The following MAGED1 variants were observed in gnomAD, a reference collection of about 807,000 sequenced individuals.
MAGED1 encodes MAGE family member D1.
A neutral mutation model predicts 54.1 loss-of-function variants in MAGED1; 3 were observed. That is an observed-to-expected ratio of 0.06 (90% confidence interval 0.03 to 0.14). The LOEUF (loss-of-function observed/expected upper bound fraction) is 0.14, where lower values mean the gene tolerates loss of function less well. MAGED1 is among the 10% of genes least tolerant of loss of function. MAGED1 has a pLI of 1.00. For missense variants in MAGED1, 485 were observed against 623.4 expected (o/e 0.78, Z 2.36); for synonymous variants, 217 against 227.3 (o/e 0.95, Z 0.41).
rs1928791623 is a variant in MAGED1 at position 51,897,064 on chromosome X, T to C, written c.1409T>C (p.Leu470Pro). The change falls in exon 4 of 13, where the codon CTT becomes CCT. Residue 470 changes from leucine to proline, a missense_variant. Around this residue, in one of 2 missense-constraint regions of MAGED1, gnomAD observed 186 missense variants for 330.3 expected, o/e 0.56. Coordinates refer to ENST00000326587, the MANE Select transcript of MAGED1 (RefSeq NM_006986.4). ...PGAAQPRDVA[L>P]LQERANKLVK... ...GCTGCACAGCCCCGAGATGTGGCCC[T>C]TCTTCAGGAAAGAGTAAGAGCTGTA... 1 of 1,209,600 alleles carries C rather than the reference T, an allele frequency of 8.3e-7. No individual in the cohort carries two copies. Among genetic ancestry groups the C allele is most frequent in the Non-Finnish European group, 1.1e-6 (1 of 894,736 alleles).
chrX:51,816,224 C>T (rs1160289924), intron 1 of MAGED1, among the ~76,000 whole-genome samples: 1 of 110,121 alleles, frequency 9.1e-6, no homozygotes, highest in Non-Finnish European at 1.9e-5. Context: ...AGTGATTTCT[C>T]CTGCCTCGCC....
chrX:51,886,970 C>T (rs940645708), intron 1 of MAGED1, among the ~76,000 whole-genome samples: 2 of 109,363 alleles, frequency 1.8e-5, no homozygotes, highest in Non-Finnish European at 3.8e-5. Flanking sequence ...GTGGGAGGAT[C>T]GCTTGAGCCC....
intron 1 of MAGED1, chrX:51,870,781 T>G (rs375309509): frequency 8.9e-6 from 1 of 112,662 alleles, no homozygotes; most frequent in South Asian, 3.7e-4. Context: ...CGGTTCCAAT[T>G]TTAGTGTTTG....
chrX:51,894,272 C>T lies in MAGED1; in HGVS notation c.-33C>T. The T allele has an allele frequency of 1.7e-6, 2 of 1,173,145 alleles. No homozygotes were observed. Among genetic ancestry groups the T allele is most frequent in the Non-Finnish European group, 2.3e-6 (2 of 869,651 alleles). On this transcript the variant is annotated 5_prime_UTR_variant, in exon 2 of 13. Coordinates refer to ENST00000326587, the MANE Select transcript of MAGED1 (RefSeq NM_006986.4). ...ACGCCCTGCCCCTCTCCCACAGCCCCCAGGCTCCGCTCTTGCCAGAGGGAC... is the reference window on the plus strand; with the variant it reads ...ACGCCCTGCCCCTCTCCCACAGCCCTCAGGCTCCGCTCTTGCCAGAGGGAC...
At chrX:51,833,401 TAGTA>T (rs1197352027) in intron 1 of MAGED1, among the ~76,000 whole-genome samples, 2 of 111,464 alleles carry the variant, frequency 1.8e-5, no homozygotes, top group African/African-American at 6.5e-5. Context: ...TAAAAAATCT[TAGTA>T]AGTGTGCTGT....
intron 1 of MAGED1, among the ~76,000 whole-genome samples, chrX:51,859,845 A>C (rs1557360485): frequency 9.0e-6 from 1 of 111,462 alleles, no homozygotes; most frequent in Non-Finnish European, 1.9e-5. Context: ...AGGAGCCATG[A>C]ACAAAGAACT....
chrX:51,833,254 GT>G (rs1194587563), intron 1 of MAGED1, among the ~76,000 whole-genome samples: 106 of 103,497 alleles, frequency 1.0e-3, no homozygotes, highest in African/African-American at 3.2e-3. Context: ...ACTTTATTTA[GT>G]TTTTTTTTTT....
chrX:51,825,286 G>A (rs1925814992), intron 1 of MAGED1, among the ~76,000 whole-genome samples: 1 of 111,008 alleles, frequency 9.0e-6, no homozygotes, highest in South Asian at 3.9e-4. Flanking sequence ...CAGCACAGTG[G>A]GGAGTCTCTG....
chrX:51,813,691 C>T (rs1243304442), intron 1 of MAGED1, among the ~76,000 whole-genome samples: 1 of 111,642 alleles, frequency 9.0e-6, no homozygotes, highest in Non-Finnish European at 1.9e-5. Context: ...TGCAGGATGG[C>T]AAGAACAATT....
At chrX:51,809,418 C>T (rs1925144087) in intron 1 of MAGED1, among the ~76,000 whole-genome samples, 1 of 111,493 alleles carries the variant, frequency 9.0e-6, no homozygotes, top group South Asian at 3.8e-4. Context: ...GCGCCCGGCC[C>T]CTTAGTCTCC....
chrX:51,828,270 CTT>C (rs1254181022), intron 1 of MAGED1, among the ~76,000 whole-genome samples: 49 of 111,690 alleles, frequency 4.4e-4, no homozygotes, highest in African/African-American at 1.4e-3. Context: ...CCGTTTCTCC[CTT>C]GCTTTCTTTT....
intron 1 of MAGED1, among the ~76,000 whole-genome samples, chrX:51,865,731 G>T (rs894062604): frequency 9.0e-6 from 1 of 111,590 alleles, no homozygotes; most frequent in Non-Finnish European, 1.9e-5. Context: ...ATTGGAATTT[G>T]ATACAGTTTG....
chrX:51,896,473 G>A lies in MAGED1; in HGVS notation c.818G>A (p.Gly273Glu). 8.3e-7 allele frequency: 1 copy of A among 1,211,211 alleles called. No homozygotes were observed. The highest frequency in any genetic ancestry group is 1.1e-6 in the Non-Finnish European group (1 of 895,009). The change falls in exon 4 of 13, where the codon GGG becomes GAG. Residue 273 changes from glycine (G) to glutamate (E), a missense_variant. Gly to Glu is a moderately conservative substitution (Grantham distance 98). This residue lies in a region of MAGED1 where 299 missense variants were observed against 293.1 expected (regional missense o/e 1.02). Coordinates refer to ENST00000326587, the MANE Select transcript of MAGED1 (RefSeq NM_006986.4). ...CAGAGGCGGGCCCCACTGGCTGCAG[G>A]GACCTGGAGGTCTGCACCAGTTCCA... ...GDQRRAPLAA[G>E]TWRSAPVPVT...
intron 1 of MAGED1, among the ~76,000 whole-genome samples, chrX:51,888,432 T>C (rs1355080728): frequency 2.7e-5 from 3 of 112,091 alleles, no homozygotes; most frequent in Non-Finnish European, 3.8e-5. Context: ...AGTAAGATAT[T>C]ACTACACACC....
At chrX:51,806,372 C>A (rs782082306) in intron 1 of MAGED1, among the ~76,000 whole-genome samples, 1 of 111,841 alleles carries the variant, frequency 8.9e-6, no homozygotes, top group African/African-American at 3.3e-5. Context: ...GTTACTATTC[C>A]AAATTAATCA....
intron 1 of MAGED1, among the ~76,000 whole-genome samples, chrX:51,845,594 A>G (rs782701456): frequency 9.0e-6 from 1 of 111,409 alleles, no homozygotes; most frequent in Non-Finnish European, 1.9e-5. Flanking sequence ...ATTTTTCCCC[A>G]GGATCCTTTA....
intron 1 of MAGED1, among the ~76,000 whole-genome samples, chrX:51,844,244 G>C: frequency 8.9e-6 from 1 of 111,882 alleles, no homozygotes; most frequent in Non-Finnish European, 1.9e-5. Context: ...CAGAACTGAA[G>C]AAAAGAAGAT....
intron 1 of MAGED1, among the ~76,000 whole-genome samples, chrX:51,843,757 A>G (rs148551522): frequency 0.053 from 5,905 of 111,779 alleles, 163 homozygotes; most frequent in Middle Eastern, 0.084. Context: ...CCAAGCACCT[A>G]AAAATGTGGA....
intron 11 of MAGED1, 47 bp downstream of exon 11, chrX:51,900,343 T>C: frequency 1.9e-6 from 2 of 1,058,983 alleles, no homozygotes; most frequent in South Asian, 2.0e-5. Flanking sequence ...GGATGAAGTA[T>C]AGCTGGCTGG....
Sources: gnomAD v4.1 joint callset for allele counts (sites outside exome capture counted in the v4.1 genomes callset) on GRCh38, gnomAD v4.1.1 for gene constraint, gnomAD v4.1.1 regional missense constraint, MANE v1.5 for transcripts, NCBI Gene and HGNC (gene_info 2026-07-23, HGNC 2026-07-21) for gene names.